Variants in USP49 observed in about 807,000 individuals in gnomAD.
USP49 encodes ubiquitin specific peptidase 49, also known as ubiquitin carboxyl-terminal hydrolase 49.
In USP49, 24 loss-of-function variants were observed where a neutral mutation model predicts 58.6. That is an observed-to-expected ratio of 0.41 (90% confidence interval 0.30 to 0.58). USP49 has a LOEUF of 0.58. Among genes scored for constraint, USP49 ranks in the 20% least tolerant of loss-of-function variants. The pLI is 0.30. For synonymous variants in USP49, 408 were observed against 365.1 expected (o/e 1.12, Z -1.34); for missense variants, 703 against 866.1 (o/e 0.81, Z 2.36).
intron 3 of USP49, chr6:41,869,660 A>C (rs1377447799): frequency 6.6e-6 from 1 of 151,982 alleles, no homozygotes; most frequent in Non-Finnish European, 1.5e-5. Flanking sequence ...CAGTGAACCA[A>C]GACTGCACCA....
chr6:41,811,915 A>G (rs923227241), intron 3 of USP49, among the ~76,000 whole-genome samples: 26 of 152,168 alleles, frequency 1.7e-4, no homozygotes, highest in Non-Finnish European at 2.8e-4. Flanking sequence ...GATGCAGACA[A>G]TTCCTGTTTC....
At chr6:41,870,390 C>T (rs906514762) in intron 3 of USP49, among the ~76,000 whole-genome samples, 1 of 152,132 alleles carries the variant, frequency 6.6e-6, no homozygotes, top group African/African-American at 2.4e-5. Flanking sequence ...ATGCCATATA[C>T]TTATAGACTC....
chr6:41,840,862 T>A (rs905123073), intron 3 of USP49, among the ~76,000 whole-genome samples: 12 of 152,008 alleles, frequency 7.9e-5, no homozygotes, highest in African/African-American at 2.7e-4. Flanking sequence ...GGAAAAAAAA[T>A]TAAATATTGG....
chr6:41,810,247 G>A (rs1189947245), intron 3 of USP49, among the ~76,000 whole-genome samples: 1 of 151,826 alleles, frequency 6.6e-6, no homozygotes, highest in East Asian at 1.9e-4. Flanking sequence ...TTGGGAGACC[G>A]AGGCAGGCGG....
chr6:41,888,493 G>A (rs917612375), intron 2 of USP49, among the ~76,000 whole-genome samples: 11 of 151,686 alleles, frequency 7.3e-5, no homozygotes, highest in Admixed American at 5.9e-4. Flanking sequence ...CACTCTTGTT[G>A]CCCAGGCTGG....
Position 41,833,766 on chromosome 6 carries a change from G to C in USP49, c.-28-26755C>G, listed in dbSNP as rs537820760. Among the ~76,000 whole-genome samples the C allele has an allele frequency of 6.6e-5, 10 of 152,256 alleles. No individual in the cohort carries two copies. The East Asian group carries it at 1.7e-3, about 26-fold the overall frequency. On this transcript the variant is annotated intron_variant, in intron 3 of 7. Transcript: ENST00000682992. ...GTAAGAAGTAGTAGCAAGATTTCTG[G>C]ACCCTAGAAAGGGCCAAATGATGAG...
At chr6:41,826,287 A>G (rs908921115) in intron 3 of USP49, among the ~76,000 whole-genome samples, 1 of 152,062 alleles carries the variant, frequency 6.6e-6, no homozygotes, top group East Asian at 1.9e-4. Context: ...AAGAAAGAAA[A>G]AAAAGAACTA....
intron 2 of USP49, among the ~76,000 whole-genome samples, chr6:41,872,450 C>T (rs997499331): frequency 3.9e-5 from 6 of 152,096 alleles, no homozygotes; most frequent in African/African-American, 9.7e-5. Flanking sequence ...AGTGCCTCTG[C>T]GCGACTGCTG....
rs1486402236 is a variant in USP49, at chr6:41,806,226, G to A, written c.758C>T (p.Thr253Met). ...RRQPAMAPGVTGLRNLGNTCY... is the reference protein window; with the variant it reads ...RRQPAMAPGVMGLRNLGNTCY... ...GGTGTTGCCCAGGTTGCGCAGGCCC[G>A]TGACGCCTGGGGCCATGGCCGGCTG... Residue 253 changes from threonine (T) to methionine (M), a missense_variant, in exon 4 of 8, where the codon ACG (threonine) becomes ATG (methionine). By Grantham distance (81) the Thr-to-Met change is moderately conservative. Around this residue, in one of 6 missense-constraint regions of USP49, gnomAD observed 376 missense variants for 373.5 expected, o/e 1.01. Transcript: ENST00000682992. The surrounding 1 kb of genome is among the most constrained non-coding windows in gnomAD (Gnocchi z 5.9). 6.2e-7 allele frequency: 1 copy of A among 1,611,242 alleles called. No homozygotes were observed. The highest frequency in any genetic ancestry group is 8.5e-7 in the Non-Finnish European group (1 of 1,180,002).
intron 3 of USP49, among the ~76,000 whole-genome samples, chr6:41,858,310 C>T (rs969105348): frequency 6.6e-6 from 1 of 152,134 alleles, no homozygotes; most frequent in South Asian, 2.1e-4. Context: ...TGCTTGCCTG[C>T]TCCAGCTGCT....
At chr6:41,852,968 T>C (rs757638143) in intron 3 of USP49, among the ~76,000 whole-genome samples, 4 of 152,198 alleles carry the variant, frequency 2.6e-5, no homozygotes, top group Non-Finnish European at 5.9e-5. Context: ...GGCGGATGGA[T>C]CACCTGAGGT....
intron 3 of USP49, among the ~76,000 whole-genome samples, chr6:41,843,410 G>C (rs1773863484): frequency 1.3e-5 from 2 of 152,120 alleles, no homozygotes; most frequent in Non-Finnish European, 2.9e-5. Context: ...TATAAGCATT[G>C]CGTATGTCGG....
intron 3 of USP49, among the ~76,000 whole-genome samples, chr6:41,823,416 T>C (rs147968415): frequency 6.6e-6 from 1 of 152,214 alleles, no homozygotes; most frequent in Admixed American, 6.5e-5. Context: ...GATTTAGAGA[T>C]AGGCAATCTG....
chr6:41,846,543 A>G (rs1773927001), intron 3 of USP49, among the ~76,000 whole-genome samples: 1 of 152,194 alleles, frequency 6.6e-6, no homozygotes, highest in African/African-American at 2.4e-5. Context: ...AGAGAGGAAC[A>G]ATATGAGCAA....
At chr6:41,876,494 G>A (rs1436161990) in intron 2 of USP49, among the ~76,000 whole-genome samples, 1 of 151,996 alleles carries the variant, frequency 6.6e-6, no homozygotes, top group Non-Finnish European at 1.5e-5. Context: ...TCGGCTCACT[G>A]CAACCTGCGC....
intron 2 of USP49, among the ~76,000 whole-genome samples, chr6:41,883,821 T>C (rs1774658987): frequency 6.6e-6 from 1 of 151,972 alleles, no homozygotes; most frequent in Non-Finnish European, 1.5e-5. Context: ...TCTGTGCCCC[T>C]GAGAATTCTC....
At chr6:41,881,183 C>T (rs1441008747) in intron 2 of USP49, among the ~76,000 whole-genome samples, 2 of 150,830 alleles carry the variant, frequency 1.3e-5, no homozygotes, top group Non-Finnish European at 2.9e-5. Flanking sequence ...CCACCCACCT[C>T]GGCCTCCCAA....
Position 41,806,068 on chromosome 6 carries a change from T to C in USP49, c.916A>G (p.Lys306Glu). Residue 306 changes from lysine to glutamate, a missense_variant, in exon 4 of 8, where the codon AAG becomes GAG. Coordinates refer to ENST00000682992, the MANE Select transcript of USP49 (RefSeq NM_001286554.2). The surrounding 1 kb of genome is among the most constrained non-coding windows in gnomAD (Gnocchi z 5.9). ...TCCGTGGCCGAGCTGTTGGTTGGCT[T>C]GCCAGAAAGCTGAGTCTTCCCGTTG... is the stretch of plus-strand genomic sequence containing the variant. The part of the protein sequence containing the change: ...ATNGKTQLSG[K>E]PTNSSATELS... 2 of 1,614,078 alleles carry C rather than the reference T, an allele frequency of 1.2e-6. No individual in the cohort carries two copies. The highest frequency in any genetic ancestry group is 1.3e-5 in the African/African-American group (1 of 75,064).
At chr6:41,822,168 C>G (rs757932983) in intron 3 of USP49, among the ~76,000 whole-genome samples, 4 of 152,182 alleles carry the variant, frequency 2.6e-5, no homozygotes, top group Non-Finnish European at 5.9e-5. Flanking sequence ...ACACTTGCAA[C>G]TTGAGAAGCC....
Sources: allele counts gnomAD v4.1 joint callset (sites outside exome capture counted in the v4.1 genomes callset), GRCh38; gene constraint gnomAD v4.1.1; regional missense constraint gnomAD v4.1.1; non-coding constraint Gnocchi (gnomAD v3.1); transcripts MANE v1.5; gene names NCBI Gene and HGNC (gene_info 2026-07-23, HGNC 2026-07-21).